Variants in AFF2 observed in about 807,000 individuals in gnomAD.
The protein encoded by AFF2 is AF4/FMR2 family member 2.
In AFF2, 14 loss-of-function variants were observed where a neutral mutation model predicts 76.9. The ratio of observed to expected loss-of-function variants is 0.18; its 90% CI spans 0.12 to 0.28. The LOEUF (loss-of-function observed/expected upper bound fraction) is 0.28, where lower values mean the gene tolerates loss of function less well. Among genes scored for constraint, AFF2 ranks in the 10% least tolerant of loss-of-function variants. AFF2 has a pLI of 1.00. For missense variants in AFF2, 868 were observed against 1,001.1 expected (o/e 0.87, Z 1.79); for synonymous variants, 398 against 366.7 (o/e 1.09, Z -0.98).
chrX:148,572,823 TTAGA>T (rs1311170657), intron 1 of AFF2, among the ~76,000 whole-genome samples: 3 of 111,345 alleles, frequency 2.7e-5, no homozygotes, highest in African/African-American at 9.8e-5. Flanking sequence ...TGTTCTGGAA[TTAGA>T]TAGTGGTGTT....
At chrX:148,926,191 C>G (rs982594304) in intron 9 of AFF2, among the ~76,000 whole-genome samples, 26 of 111,776 alleles carry the variant, frequency 2.3e-4, no homozygotes, top group African/African-American at 6.8e-4. Context: ...TCTACTGCTT[C>G]CCATGTACTG....
rs923382020 is a variant in AFF2, at chrX:148,587,707, C to T, written c.48-64292C>T. ...TGGCTGAAGTTGATTGCATGGTCAG[C>T]CTGGCCCTAAAGTACCCTTACAAAT... On this transcript the variant is annotated intron_variant, in intron 1 of 20. Coordinates refer to ENST00000370460, the MANE Select transcript of AFF2 (RefSeq NM_002025.4). Among the ~76,000 whole-genome samples the T allele has an allele frequency of 2.7e-5, 3 of 112,220 alleles. No individual in the cohort carries two copies. In the East Asian group the frequency reaches 8.4e-4, roughly 32 times the overall value.
chrX:148,693,195 G>A (rs1557260923), intron 3 of AFF2, among the ~76,000 whole-genome samples: 2 of 111,489 alleles, frequency 1.8e-5, no homozygotes, highest in Admixed American at 1.9e-4. Flanking sequence ...GGGATTACAG[G>A]CATGAGCCAC....
intron 9 of AFF2, among the ~76,000 whole-genome samples, chrX:148,938,808 TA>T (rs1276677656): frequency 8.9e-6 from 1 of 112,083 alleles, no homozygotes; most frequent in Admixed American, 9.5e-5. Flanking sequence ...ATACAGATAT[TA>T]AAAACTTTTG....
intron 1 of AFF2, among the ~76,000 whole-genome samples, chrX:148,602,387 A>G (rs887236861): frequency 4.5e-5 from 5 of 110,586 alleles, no homozygotes; most frequent in African/African-American, 1.6e-4. Flanking sequence ...CAGTGGCAAG[A>G]TTCGATTTAT....
Position 148,818,291 on chromosome X carries a change from T to A in AFF2, c.1086+8371T>A, listed in dbSNP as rs193274406. Among the ~76,000 whole-genome samples, 374 of 112,045 alleles carry A rather than the reference T, an allele frequency of 3.3e-3. 2 individuals are homozygous for A. Among genetic ancestry groups the A allele is most frequent in the African/African-American group, 0.011 (351 of 30,939 alleles). ...TGCAAAATAAATGTATGGCAAAAAA[T>A]AGTCTTTACATATAAAGCAAGCAAC... On this transcript the variant is annotated intron_variant, in intron 4 of 20. Coordinates refer to ENST00000370460, the MANE Select transcript of AFF2 (RefSeq NM_002025.4).
Position 148,996,018 on chromosome X carries a change from G to T in AFF2, c.*4686G>T. The T allele has an allele frequency of 8.8e-6, 1 of 113,972 alleles. No homozygotes were observed. 9.4% of individuals were successfully genotyped at this position (113,972 alleles called of 1,213,427 possible). A position where few individuals can be genotyped will look rare whatever the true frequency, so the allele number is the denominator to read the frequency against. On this transcript the variant is annotated 3_prime_UTR_variant, in exon 21 of 21. Transcript: ENST00000370460. The stretch of plus-strand genomic sequence containing the variant: ...CAGCAGGAAGCCAGCTGTCATATTC[G>T]GAGGGAATTTCAGATGCTTTACCTT...
At chrX:148,650,792 C>G (rs1557256233) in intron 1 of AFF2, among the ~76,000 whole-genome samples, 2 of 111,762 alleles carry the variant, frequency 1.8e-5, no homozygotes, top group African/African-American at 6.5e-5. Flanking sequence ...CTACCAATGA[C>G]AGGTATTAAG....
intron 9 of AFF2, among the ~76,000 whole-genome samples, chrX:148,911,999 A>G (rs2071474631): frequency 1.8e-5 from 2 of 112,192 alleles, no homozygotes; most frequent in Admixed American, 9.4e-5. Flanking sequence ...ATCCCCATCC[A>G]TGGAAGACTG....
chrX:148,578,621 G>A (rs1791431894), intron 1 of AFF2, among the ~76,000 whole-genome samples: 1 of 111,872 alleles, frequency 8.9e-6, no homozygotes, highest in South Asian at 3.7e-4. Context: ...GGCAATGTTG[G>A]TTCCATGTTA....
intron 3 of AFF2, among the ~76,000 whole-genome samples, chrX:148,674,337 A>G (rs2054457578): frequency 8.9e-6 from 1 of 112,359 alleles, no homozygotes; most frequent in African/African-American, 3.2e-5. Flanking sequence ...GATCTAGACA[A>G]AGTTTCACAC....
intron 1 of AFF2, among the ~76,000 whole-genome samples, chrX:148,534,962 G>A (rs1557236384): frequency 9.0e-6 from 1 of 111,703 alleles, no homozygotes; most frequent in Non-Finnish European, 1.9e-5. Context: ...ATAAGGAAAT[G>A]ATAAAAGGTG....
intron 16 of AFF2, among the ~76,000 whole-genome samples, chrX:148,974,147 A>C: frequency 9.1e-6 from 1 of 110,145 alleles, no homozygotes; most frequent in Admixed American, 9.8e-5. Flanking sequence ...GAGGATGAGA[A>C]TAAGAGAGGG....
intron 1 of AFF2, among the ~76,000 whole-genome samples, chrX:148,614,509 C>T (rs1213199063): frequency 9.0e-6 from 1 of 110,908 alleles, no homozygotes; most frequent in African/African-American, 3.3e-5. Context: ...AAAGACCAAC[C>T]ATCAGAGTCA....
At chrX:148,574,493 T>C (rs1301146980) in intron 1 of AFF2, among the ~76,000 whole-genome samples, 11 of 111,626 alleles carry the variant, frequency 9.9e-5, no homozygotes, top group African/African-American at 2.9e-4. Flanking sequence ...TTGATCTTAG[T>C]CAATGACCTG....
intron 3 of AFF2, among the ~76,000 whole-genome samples, chrX:148,776,425 G>A (rs2069667577): frequency 8.9e-6 from 1 of 111,979 alleles, no homozygotes; most frequent in South Asian, 3.8e-4. Flanking sequence ...GATCCTTGAG[G>A]AATCGCCACA....
intron 3 of AFF2, among the ~76,000 whole-genome samples, chrX:148,777,259 C>T (rs907397808): frequency 9.0e-6 from 1 of 111,714 alleles, no homozygotes; most frequent in Admixed American, 9.5e-5. Context: ...GTTACTGTAG[C>T]CTTGTAGTAT....
At chrX:148,933,635 AG>A (rs1557284650) in intron 9 of AFF2, among the ~76,000 whole-genome samples, 1 of 111,599 alleles carries the variant, frequency 9.0e-6, no homozygotes, top group Non-Finnish European at 1.9e-5. Flanking sequence ...GTAATTGAAT[AG>A]GGATACAGAC....
chrX:148,701,077 C>CATTTTTGTG (rs1274529012), intron 3 of AFF2, among the ~76,000 whole-genome samples: 1 of 101,909 alleles, frequency 9.8e-6, no homozygotes, highest in Non-Finnish European at 2.0e-5. Flanking sequence ...GCACATGTGC[C>CATTTTTGTG]CACACCATTA....
Sources: gnomAD v4.1 joint callset for allele counts (sites outside exome capture counted in the v4.1 genomes callset) on GRCh38, gnomAD v4.1.1 for gene constraint, MANE v1.5 for transcripts, NCBI Gene and HGNC (gene_info 2026-07-23, HGNC 2026-07-21) for gene names.